CRYZ: variants seen among roughly 807,000 people sequenced by gnomAD.
CRYZ encodes crystallin zeta.
CRYZ carries 35 observed loss-of-function variants against 34.1 expected under a neutral mutation model. The observed-to-expected ratio is 1.03, with a 90% CI of 0.78 to 1.36. The LOEUF is 1.36. Ranked by LOEUF, CRYZ falls within the 40% of genes most tolerant of loss-of-function variation. The pLI, the probability that CRYZ is intolerant of heterozygous loss-of-function variation, is 0.00. For synonymous variants in CRYZ, 137 were observed against 136.5 expected (o/e 1.00, Z -0.03); for missense variants, 403 against 391.8 (o/e 1.03, Z -0.24).
At chr1:74,712,110 A>C (rs540459315) in intron 5 of CRYZ, among the ~76,000 whole-genome samples, 1 of 152,304 alleles carries the variant, frequency 6.6e-6, no homozygotes, top group Admixed American at 6.5e-5. Context: ...TATAAAAGAG[A>C]AATCAAAGTA....
intron 1 of CRYZ, chr1:74,730,331 A>G (rs1269567654): frequency 6.6e-6 from 1 of 152,262 alleles, no homozygotes; most frequent in Non-Finnish European, 1.5e-5. Context: ...CTGAGCCTTT[A>G]GCATTCTGAT....
chr1:74,726,271 T>C (rs1647334531), intron 1 of CRYZ, among the ~76,000 whole-genome samples: 1 of 152,224 alleles, frequency 6.6e-6, no homozygotes, highest in African/African-American at 2.4e-5. Context: ...AGCATACCTC[T>C]GCCTGGACAT....
intron 1 of CRYZ, among the ~76,000 whole-genome samples, chr1:74,725,438 C>T (rs1394412892): frequency 6.6e-6 from 1 of 152,140 alleles, no homozygotes; most frequent in Non-Finnish European, 1.5e-5. Context: ...TTTTATAAAA[C>T]CATCAGATAT....
intron 4 of CRYZ, 145 bp downstream of exon 4, chr1:74,719,062 TCA>T (rs1355323033): frequency 9.1e-6 from 7 of 769,584 alleles, no homozygotes; most frequent in East Asian, 5.4e-5. Flanking sequence ...TTCCCCAAAT[TCA>T]CAGTTTCCAT....
intron 4 of CRYZ, among the ~76,000 whole-genome samples, chr1:74,716,063 C>A (rs1647068831): frequency 6.6e-6 from 1 of 152,062 alleles, no homozygotes; most frequent in Non-Finnish European, 1.5e-5. Flanking sequence ...ATTCAGCCAG[C>A]AAACTTTCTA....
chr1:74,707,383 T>C (rs940824368), intron 6 of CRYZ, 179 bp from the exon 7 acceptor site: 6 of 481,450 alleles, frequency 1.2e-5, no homozygotes, highest in Middle Eastern at 5.6e-4. Flanking sequence ...AATTCCAAGG[T>C]ACCAGCCAGA....
At chr1:74,718,628 T>C (rs1287989878) in intron 4 of CRYZ, among the ~76,000 whole-genome samples, 1 of 152,102 alleles carries the variant, frequency 6.6e-6, no homozygotes. Flanking sequence ...ATTCCCATTG[T>C]CCAGAATGTC....
intron 4 of CRYZ, among the ~76,000 whole-genome samples, 173 bp downstream of exon 4, chr1:74,719,036 C>G (rs1647116430): frequency 6.6e-6 from 1 of 152,082 alleles, no homozygotes; most frequent in Non-Finnish European, 1.5e-5. Context: ...CTTTGTATCC[C>G]TAGTGATTAG....
rs1206278405 is a variant in CRYZ, at chr1:74,706,224, A to G, written c.*72T>C. 7 of 1,248,294 alleles carry G rather than the reference A, an allele frequency of 5.6e-6. No individual in the cohort carries two copies. Among genetic ancestry groups the G allele is most frequent in the Non-Finnish European group, 6.5e-6 (6 of 926,382 alleles). The allele number at this position is 1,248,294 out of a possible 1,614,324, so 77.3% of individuals were successfully genotyped here. Reference sequence around the variant, plus strand: ...TGGAATCGAATGTTAATTAAAGAAAAGATAGGGTAAGTACAACTGGGGGAA... The same window carrying G: ...TGGAATCGAATGTTAATTAAAGAAAGGATAGGGTAAGTACAACTGGGGGAA... On this transcript the variant is annotated 3_prime_UTR_variant, in exon 9 of 9. Transcript: ENST00000340866.
intron 3 of CRYZ, among the ~76,000 whole-genome samples, chr1:74,720,291 C>T (rs1570000793): frequency 6.6e-6 from 1 of 152,058 alleles, no homozygotes; most frequent in East Asian, 1.9e-4. Flanking sequence ...GGCAGAAAAC[C>T]ATACTAGGAC....
chr1:74,730,404 C>T (rs1161665938), intron 1 of CRYZ: 1 of 152,182 alleles, frequency 6.6e-6, no homozygotes, highest in Non-Finnish European at 1.5e-5. Context: ...TCATCATATG[C>T]TTCATAACGA....
chr1:74,719,049 C>A (rs1329356971), intron 4 of CRYZ, among the ~76,000 whole-genome samples, 160 bp downstream of exon 4: 1 of 152,132 alleles, frequency 6.6e-6, no homozygotes, highest in African/African-American at 2.4e-5. Context: ...GTGATTAGCA[C>A]AATTCCCCAA....
At chr1:74,707,046 T>A (rs866637563) in intron 7 of CRYZ, 52 bp from the exon 8 acceptor site, 1 of 1,563,100 alleles carries the variant, frequency 6.4e-7, no homozygotes, top group Middle Eastern at 1.7e-4. Flanking sequence ...AAAATAGTGT[T>A]AAATTGTGGT....
At chr1:74,722,217 G>A (rs1647175322) in intron 3 of CRYZ, among the ~76,000 whole-genome samples, 1 of 152,072 alleles carries the variant, frequency 6.6e-6, no homozygotes. Flanking sequence ...AAAGGAGGGG[G>A]AGAGGAGAAC....
Position 74,714,639 on chromosome 1 carries a change from G to A in CRYZ, c.429-9C>T. 6.2e-7 allele frequency: 1 copy of A among 1,613,294 alleles called. No individual in the cohort carries two copies. The highest frequency in any genetic ancestry group is 8.5e-7 in the Non-Finnish European group (1 of 1,179,508). On this transcript the variant is annotated splice_polypyrimidine_tract_variant and intron_variant, in intron 4 of 8. Coordinates refer to ENST00000340866, the MANE Select transcript of CRYZ (RefSeq NM_001889.4). ...CAGCTTTCACACAGGCACTGCAAAG[G>A]AAAGCATAAGTTACATCACCTTATT...
chr1:74,711,628 G>A (rs1335616110), intron 5 of CRYZ, among the ~76,000 whole-genome samples: 1 of 152,204 alleles, frequency 6.6e-6, no homozygotes, highest in Non-Finnish European at 1.5e-5. Context: ...GCGCATGCCT[G>A]TAATCCCAGC....
intron 4 of CRYZ, among the ~76,000 whole-genome samples, chr1:74,715,026 C>A (rs1006533812): frequency 2.0e-5 from 3 of 152,116 alleles, no homozygotes; most frequent in African/African-American, 7.2e-5. Context: ...ATAGCTCAGT[C>A]TTTATTCTGT....
Position 74,707,010 on chromosome 1 carries a change from G to C in CRYZ, c.733-16C>G. The C allele has an allele frequency of 1.9e-5, 31 of 1,604,904 alleles. No homozygotes were observed. Among genetic ancestry groups the C allele is most frequent in the Non-Finnish European group, 2.6e-5 (31 of 1,173,758 alleles). On this transcript the variant is annotated splice_polypyrimidine_tract_variant and intron_variant, in intron 7 of 8. Transcript: ENST00000340866. ...TGCCAACAACCTAACATGAAAAACA[G>C]CAATTCTACAGTTAAAGATTACTGT...
intron 6 of CRYZ, among the ~76,000 whole-genome samples, 190 bp downstream of exon 6, chr1:74,709,908 A>G (rs1308576270): frequency 6.6e-6 from 1 of 152,144 alleles, no homozygotes; most frequent in Non-Finnish European, 1.5e-5. Flanking sequence ...CAATACAAAA[A>G]TGATAGTAAA....
Sources: gnomAD v4.1 joint callset for allele counts (sites outside exome capture counted in the v4.1 genomes callset) on GRCh38, gnomAD v4.1.1 for gene constraint, MANE v1.5 for transcripts, NCBI Gene and HGNC (gene_info 2026-07-23, HGNC 2026-07-21) for gene names.